Variants in DPP6 observed in about 807,000 individuals in gnomAD.
DPP6 encodes A-type potassium channel modulatory protein DPP6.
Under a neutral mutation model 122.6 loss-of-function variants are expected in DPP6, and 69 were observed. That is an observed-to-expected ratio of 0.56 (90% CI 0.46 to 0.69). The LOEUF is 0.69. Ranked by LOEUF, DPP6 falls within the 30% of genes least tolerant of loss-of-function variation. DPP6 has a pLI of 0.00. For synonymous variants in DPP6, 418 were observed against 433.1 expected (o/e 0.97, Z 0.43); for missense variants, 928 against 1,116.9 (o/e 0.83, Z 2.41).
intron 1 of DPP6, among the ~76,000 whole-genome samples, chr7:154,381,182 G>A (rs1417053547): frequency 6.6e-6 from 1 of 152,122 alleles, no homozygotes; most frequent in African/African-American, 2.4e-5. Flanking sequence ...ACATGTCACT[G>A]CCGGACTCTG....
intron 1 of DPP6, among the ~76,000 whole-genome samples, chr7:153,961,507 A>C (rs1795349990): frequency 6.7e-6 from 1 of 149,648 alleles, no homozygotes; most frequent in Non-Finnish European, 1.5e-5. Flanking sequence ...CAGTCCCCAG[A>C]CTTTTTGGCA....
At chr7:154,620,009 AG>A (rs1243152514) in intron 5 of DPP6, among the ~76,000 whole-genome samples, 2 of 152,206 alleles carry the variant, frequency 1.3e-5, no homozygotes, top group Non-Finnish European at 2.9e-5. Flanking sequence ...ATTCTGATGC[AG>A]GTAATCTGGG....
intron 5 of DPP6, among the ~76,000 whole-genome samples, chr7:154,585,544 C>G (rs1832382866): frequency 1.3e-5 from 2 of 152,218 alleles, no homozygotes; most frequent in Admixed American, 6.5e-5. Flanking sequence ...TTACCAGAAC[C>G]CCCGTGGGTA....
intron 3 of DPP6, among the ~76,000 whole-genome samples, chr7:154,490,992 C>T (rs1000012445): frequency 4.6e-5 from 7 of 152,194 alleles, no homozygotes; most frequent in African/African-American, 1.4e-4. Flanking sequence ...TGAACACGCA[C>T]GTGCGATATA....
rs565580646 is a variant in DPP6, at chr7:154,844,750, G to A, written c.1667-9030G>A. On this transcript the variant is annotated intron_variant, in intron 16 of 25. Coordinates refer to ENST00000377770, the MANE Select transcript of DPP6 (RefSeq NM_130797.4). ...GCAGAGACTCAGTTAGACTGCCTGG[G>A]ATTAGGAATCAACAGATACAAAATT... 2.6e-5 allele frequency among the ~76,000 whole-genome samples: 4 copies of A among 152,290 alleles called. No individual in the cohort carries two copies. The South Asian group carries it at 6.2e-4, about 24-fold the overall frequency.
chr7:154,612,301 C>CT (rs1833961394), intron 5 of DPP6, among the ~76,000 whole-genome samples: 1 of 152,222 alleles, frequency 6.6e-6, no homozygotes, highest in East Asian at 1.9e-4. Context: ...TCGTGATACT[C>CT]TGACAGCCAC....
At chr7:154,733,721 A>C (rs1842446681) in intron 8 of DPP6, among the ~76,000 whole-genome samples, 2 of 152,206 alleles carry the variant, frequency 1.3e-5, no homozygotes, top group Admixed American at 6.5e-5. Context: ...CACATTATTA[A>C]AATGAAAGCC....
chr7:153,978,234 A>G (rs879511296), intron 1 of DPP6, among the ~76,000 whole-genome samples: 1 of 152,168 alleles, frequency 6.6e-6, no homozygotes, highest in Non-Finnish European at 1.5e-5. Context: ...TGACTTTTTA[A>G]TGATCGCCAT....
intron 1 of DPP6, among the ~76,000 whole-genome samples, chr7:153,982,485 A>T (rs1029263837): frequency 6.6e-6 from 1 of 152,062 alleles, no homozygotes; most frequent in African/African-American, 2.4e-5. Flanking sequence ...GCATTGGGTT[A>T]GAACATGCTC....
chr7:154,785,365 C>T (rs1050106211), intron 10 of DPP6, among the ~76,000 whole-genome samples: 1 of 152,178 alleles, frequency 6.6e-6, no homozygotes, highest in Admixed American at 6.5e-5. Context: ...GCACATTTCA[C>T]TGTTTTTAAA....
intron 1 of DPP6, among the ~76,000 whole-genome samples, chr7:153,908,435 CAT>C (rs1799941596): frequency 6.6e-6 from 1 of 152,112 alleles, no homozygotes; most frequent in Non-Finnish European, 1.5e-5. Context: ...TAATACTACT[CAT>C]GTGTAGACAT....
chr7:154,797,935 C>G (rs903335774), intron 12 of DPP6, among the ~76,000 whole-genome samples: 6 of 152,188 alleles, frequency 3.9e-5, no homozygotes, highest in Admixed American at 1.3e-4. Context: ...CATTCAGAAG[C>G]ATTGCTGAAG....
At chr7:154,616,913 A>C (rs542278358) in intron 5 of DPP6, among the ~76,000 whole-genome samples, 16 of 152,314 alleles carry the variant, frequency 1.1e-4, no homozygotes, top group African/African-American at 3.8e-4. Flanking sequence ...TATAACCTCT[A>C]GCAAAGAAAA....
chr7:154,142,234 G>A (rs1423694655), intron 1 of DPP6, among the ~76,000 whole-genome samples: 3 of 151,346 alleles, frequency 2.0e-5, no homozygotes, highest in Admixed American at 2.0e-4. Flanking sequence ...ATATAAATGG[G>A]CAAATATTTG....
intron 1 of DPP6, among the ~76,000 whole-genome samples, chr7:153,939,500 C>T (rs1363186304): frequency 1.3e-5 from 2 of 152,124 alleles, no homozygotes; most frequent in East Asian, 3.9e-4. Flanking sequence ...ATAGTTGTGA[C>T]AGAGACACAA....
chr7:154,262,518 C>T (rs4725532), intron 1 of DPP6, among the ~76,000 whole-genome samples: 26,597 of 151,966 alleles, frequency 0.18, 2,842 homozygotes, highest in Non-Finnish European at 0.23. Context: ...CCAGCCCAGC[C>T]GGCTCCTTGA....
chr7:154,851,859 C>A (rs6597432), intron 16 of DPP6, among the ~76,000 whole-genome samples: 31,817 of 152,004 alleles, frequency 0.21, 3,818 homozygotes, highest in African/African-American at 0.34. Flanking sequence ...CAGAGAGGGG[C>A]ACCACGTTGG....
chr7:154,308,353 T>A (rs576936407), intron 1 of DPP6, among the ~76,000 whole-genome samples: 1 of 152,128 alleles, frequency 6.6e-6, no homozygotes, highest in South Asian at 2.1e-4. Context: ...GGATTTTTGG[T>A]TTGTTTTTTA....
rs142671396 is a variant in DPP6 at position 154,640,630 on chromosome 7, G to A, written c.680+2757G>A. On this transcript the variant is annotated intron_variant, in intron 6 of 25. Transcript: ENST00000377770. The stretch of plus-strand genomic sequence containing the variant: ...GGTATCTCCGTAGGCCTGGAGCTTC[G>A]TGACCCCTTGGTCATCACTGTCACC... Among the ~76,000 whole-genome samples, 62 of 152,200 alleles carry A rather than the reference G, an allele frequency of 4.1e-4. 1 individual carries two copies. The East Asian group carries it at 0.01, about 26-fold the overall frequency.
Sources: allele counts gnomAD v4.1 joint callset (sites outside exome capture counted in the v4.1 genomes callset), GRCh38; gene constraint gnomAD v4.1.1; transcripts MANE v1.5; gene names NCBI Gene and HGNC (gene_info 2026-07-23, HGNC 2026-07-21).